BCS1L: variants seen among roughly 807,000 people sequenced by gnomAD.
The protein encoded by BCS1L is BCS1 ubiquinol-cytochrome c reductase complex chaperone, also known as mitochondrial chaperone BCS1.
A neutral mutation model predicts 49.3 loss-of-function variants in BCS1L; 38 were observed. The observed-to-expected ratio is 0.77, with a 90% confidence interval of 0.59 to 1.01. BCS1L has a LOEUF of 1.01. BCS1L is among the 50% of genes least tolerant of loss of function. The pLI, the probability that BCS1L is intolerant of heterozygous loss-of-function variation, is 0.00. For missense variants in BCS1L, 394 were observed against 540.2 expected (o/e 0.73, Z 2.68); for synonymous variants, 193 against 210.1 (o/e 0.92, Z 0.70).
Position 218,660,958 on chromosome 2 carries a change from G to A in BCS1L, c.-30G>A. Reference sequence around the variant, plus strand: ...CCCTAGGTTTTCGTAACACCCCAGGGCCTGTAAGGTTTGGTGTTTCCCTTT... The same window carrying A: ...CCCTAGGTTTTCGTAACACCCCAGGACCTGTAAGGTTTGGTGTTTCCCTTT... On this transcript the variant is annotated 5_prime_UTR_variant, in exon 2 of 8. Coordinates refer to ENST00000359273, the MANE Select transcript of BCS1L (RefSeq NM_001079866.2). The A allele has an allele frequency of 6.2e-7, 1 of 1,611,308 alleles. No individual in the cohort carries two copies. Among genetic ancestry groups the A allele is most frequent in the Middle Eastern group, 1.7e-4 (1 of 6,058 alleles).
At chr2:218,663,105 T>C (rs1385546511) in intron 7 of BCS1L, 29 bp from the exon 8 acceptor site, 2 of 1,614,054 alleles carry the variant, frequency 1.2e-6, no homozygotes, top group Admixed American at 3.3e-5. Context: ...TGGGTGCTAG[T>C]GTGACCTGCT....
rs368868835 is a variant in BCS1L, at chr2:218,661,743, A to G, written c.461-16A>G. ...TGAAGAGAATTATTGGCTTTATCTCATCTTCTCCTTCCCAGCTCGAGAGCT... is the reference window on the plus strand; with the variant it reads ...TGAAGAGAATTATTGGCTTTATCTCGTCTTCTCCTTCCCAGCTCGAGAGCT... On this transcript the variant is annotated splice_polypyrimidine_tract_variant and intron_variant, in intron 3 of 7. Coordinates refer to ENST00000359273, the MANE Select transcript of BCS1L (RefSeq NM_001079866.2). The surrounding 1 kb of genome is among the most constrained non-coding windows in gnomAD (Gnocchi z 5.9). 1 of 1,606,552 alleles carries G rather than the reference A, an allele frequency of 6.2e-7. No homozygotes were observed. The highest frequency in any genetic ancestry group is 8.5e-7 in the Non-Finnish European group (1 of 1,174,408).
rs1033866368 is a variant in BCS1L, at chr2:218,663,247, C to A, written c.1121C>A (p.Pro374His). 2 of 1,614,128 alleles carry A rather than the reference C, an allele frequency of 1.2e-6. No individual in the cohort carries two copies. Among genetic ancestry groups the A allele is most frequent in the African/African-American group, 2.7e-5 (2 of 74,940 alleles). Residue 374 changes from proline (P) to histidine (H), a missense_variant, in exon 8 of 8, where the codon CCT (proline) becomes CAT (histidine). Physicochemically the swap from Pro to His is moderately conservative, Grantham distance 77. Transcript: ENST00000359273. ...MFQRFYPGQA[P>H]SLAENFAEHV... ...CAGAGGTTCTATCCAGGGCAGGCAC[C>A]TTCCTTAGCTGAGAACTTTGCAGAA...
At chr2:218,658,899 T>TAAGGC (rs775640703), upstream of BCS1L, 4 of 152,264 alleles carry the variant, frequency 2.6e-5, no homozygotes, top group Non-Finnish European at 5.9e-5. Flanking sequence ...AAGGACAGAC[T>TAAGGC]AAGGCAGAGA....
rs1363293408 is a variant in BCS1L at position 218,661,948 on chromosome 2, A to C, written c.650A>C (p.Asp217Ala). 1 of 1,613,960 alleles carries C rather than the reference A, an allele frequency of 6.2e-7. No homozygotes were observed. Among genetic ancestry groups the C allele is most frequent in the East Asian group, 2.2e-5 (1 of 44,898 alleles). The change falls in exon 4 of 8, where the codon GAC becomes GCC. Residue 217 changes from aspartate (D) to alanine (A), a missense_variant. By Grantham distance (126) the Asp-to-Ala change is moderately radical. Coordinates refer to ENST00000359273, the MANE Select transcript of BCS1L (RefSeq NM_001079866.2). This position sits in a 1 kb window ranked among gnomAD's most constrained non-coding sequence, Gnocchi z 5.9. ...ATCGATAACCCCAAGTGGTACACTG[A>C]CAGAGGTGAGAAGCAGCTGGGGTCT... is the stretch of plus-strand genomic sequence containing the variant. Reference protein sequence around the residue: ...EFIDNPKWYTDRGIPYRRGYL... With the variant: ...EFIDNPKWYTARGIPYRRGYL...
chr2:218,662,565 T>G lies in BCS1L; in HGVS notation c.775T>G (p.Ser259Ala). ...HSICLLSLTDSSLSDDRLNHL... is the reference protein window; with the variant it reads ...HSICLLSLTDASLSDDRLNHL... ...CATCTGCCTGCTGAGCCTCACGGAC[T>G]CCAGCCTCTCTGATGACCGACTCAA... Residue 259 changes from serine (S) to alanine (A), a missense_variant, in exon 6 of 8, where the codon TCC becomes GCC. Physicochemically the swap from Ser to Ala is moderately conservative, Grantham distance 99. Coordinates refer to ENST00000359273, the MANE Select transcript of BCS1L (RefSeq NM_001079866.2). The surrounding 1 kb of genome is among the most constrained non-coding windows in gnomAD (Gnocchi z 5.8). The G allele has an allele frequency of 6.2e-7, 1 of 1,613,766 alleles. No individual in the cohort carries two copies. The highest frequency in any genetic ancestry group is 8.5e-7 in the Non-Finnish European group (1 of 1,180,016).
chr2:218,662,493 C>T lies in BCS1L; in HGVS notation c.720-17C>T. The T allele has an allele frequency of 6.2e-7, 1 of 1,613,434 alleles. No individual in the cohort carries two copies. Among genetic ancestry groups the T allele is most frequent in the Non-Finnish European group, 8.5e-7 (1 of 1,180,016 alleles). ...TTCCAGGTTGCCTGCTACCTCCTGC[C>T]ATCCCATGCTCCATAGCACAGCCCT... On this transcript the variant is annotated splice_polypyrimidine_tract_variant and intron_variant, in intron 5 of 7. Coordinates refer to ENST00000359273, the MANE Select transcript of BCS1L (RefSeq NM_001079866.2). This position sits in a 1 kb window ranked among gnomAD's most constrained non-coding sequence, Gnocchi z 5.8.
chr2:218,661,289 C>A lies in BCS1L; in HGVS notation c.302C>A (p.Pro101His). ...ISTKFEFVPSPGNHFIWYRGK... is the reference protein window; with the variant it reads ...ISTKFEFVPSHGNHFIWYRGK... ...ACTAAGTTTGAATTTGTCCCCAGCC[C>A]TGGAAACCATTTTATCTGGTAAGGT... Residue 101 changes from proline (P) to histidine (H), a missense_variant, in exon 2 of 8, where the codon CCT becomes CAT. Coordinates refer to ENST00000359273, the MANE Select transcript of BCS1L (RefSeq NM_001079866.2). This position sits in a 1 kb window ranked among gnomAD's most constrained non-coding sequence, Gnocchi z 5.9. 6.2e-7 allele frequency: 1 copy of A among 1,614,200 alleles called. No individual in the cohort carries two copies. The highest frequency in any genetic ancestry group is 8.5e-7 in the Non-Finnish European group (1 of 1,180,042).
chr2:218,661,630 A>G lies in BCS1L; in HGVS notation c.460+85A>G, dbSNP rs1458335245. On this transcript the variant is annotated intron_variant, in intron 3 of 7. Transcript: ENST00000359273. This position sits in a 1 kb window ranked among gnomAD's most constrained non-coding sequence, Gnocchi z 5.9. ...CAGATGAGCAGTTTGGAGAAGTGGAATAAGCAGGCCGGGGTGAGCCCATGG... is the reference window on the plus strand; with the variant it reads ...CAGATGAGCAGTTTGGAGAAGTGGAGTAAGCAGGCCGGGGTGAGCCCATGG... 6.3e-7 allele frequency: 1 copy of G among 1,592,236 alleles called. No homozygotes were observed. The highest frequency in any genetic ancestry group is 1.3e-5 in the African/African-American group (1 of 74,476).
In BCS1L at chr2:218,661,717, G is replaced by C; in HGVS notation, c.461-42G>C. On this transcript the variant is annotated intron_variant, in intron 3 of 7. Transcript: ENST00000359273. The surrounding 1 kb of genome is among the most constrained non-coding windows in gnomAD (Gnocchi z 5.9). ...CCACCTAATTGAAGAATCAGCCATG[G>C]TGAAGAGAATTATTGGCTTTATCTC... 1.2e-6 allele frequency: 2 copies of C among 1,601,860 alleles called. No homozygotes were observed. Among genetic ancestry groups the C allele is most frequent in the East Asian group, 4.5e-5 (2 of 44,456 alleles).
In BCS1L at chr2:218,662,437, G is replaced by A. The variant is rs1325043392; in HGVS notation, c.720-73G>A. Reference sequence around the variant, plus strand: ...CCTCTGAGACACATGTCCCCAGGCGGTGAGGAGAGTAGCTGGGCCTGAGGA... The same window carrying A: ...CCTCTGAGACACATGTCCCCAGGCGATGAGGAGAGTAGCTGGGCCTGAGGA... On this transcript the variant is annotated intron_variant, in intron 5 of 7. Coordinates refer to ENST00000359273, the MANE Select transcript of BCS1L (RefSeq NM_001079866.2). The surrounding 1 kb of genome is among the most constrained non-coding windows in gnomAD (Gnocchi z 5.8). The A allele has an allele frequency of 6.3e-7, 1 of 1,590,174 alleles. No homozygotes were observed. Among genetic ancestry groups the A allele is most frequent in the African/African-American group, 1.3e-5 (1 of 74,416 alleles).
At position 218,661,743 on chromosome 2, in the gene BCS1L, A is replaced by T. The variant is rs368868835; in HGVS notation, c.461-16A>T. ...TGAAGAGAATTATTGGCTTTATCTCATCTTCTCCTTCCCAGCTCGAGAGCT... is the reference window on the plus strand; with the variant it reads ...TGAAGAGAATTATTGGCTTTATCTCTTCTTCTCCTTCCCAGCTCGAGAGCT... On this transcript the variant is annotated splice_polypyrimidine_tract_variant and intron_variant, in intron 3 of 7. Coordinates refer to ENST00000359273, the MANE Select transcript of BCS1L (RefSeq NM_001079866.2). This position sits in a 1 kb window ranked among gnomAD's most constrained non-coding sequence, Gnocchi z 5.9. 8 of 1,606,552 alleles carry T rather than the reference A, an allele frequency of 5.0e-6. No individual in the cohort carries two copies. The African/African-American group carries it at 9.4e-5, about 19-fold the overall frequency.
Position 218,662,688 on chromosome 2 carries a change from G to C in BCS1L, c.889+9G>C, listed in dbSNP as rs1277883054. 19 of 1,614,044 alleles carry C rather than the reference G, an allele frequency of 1.2e-5. No individual in the cohort carries two copies. The highest frequency in any genetic ancestry group is 1.6e-5 in the Non-Finnish European group (19 of 1,180,040). On this transcript the variant is annotated intron_variant, in intron 6 of 7. Transcript: ENST00000359273. The surrounding 1 kb of genome is among the most constrained non-coding windows in gnomAD (Gnocchi z 5.8). Reference sequence around the variant, plus strand: ...AGACTTGGCTGTGGAGAGTAAGTGAGGGGTTCTGGAGGAAGTGGAGTGGGT... The same window carrying C: ...AGACTTGGCTGTGGAGAGTAAGTGACGGGTTCTGGAGGAAGTGGAGTGGGT...
At position 218,662,779 on chromosome 2, in the gene BCS1L, A is replaced by G. The variant is rs1325692923; in HGVS notation, c.889+100A>G. On this transcript the variant is annotated intron_variant, in intron 6 of 7. Transcript: ENST00000359273. The surrounding 1 kb of genome is among the most constrained non-coding windows in gnomAD (Gnocchi z 5.8). ...GGTGGAAGATGCCTGGGTTAGTGAC[A>G]AGAGCCCACAAGACACATGGATAAG... is the stretch of plus-strand genomic sequence containing the variant. 10 of 1,593,258 alleles carry G rather than the reference A, an allele frequency of 6.3e-6. No homozygotes were observed. The South Asian group carries it at 6.6e-5, about 11-fold the overall frequency.
rs1275682469 is a variant in BCS1L, at chr2:218,661,701, TG to T, written c.461-57del. 1 of 1,593,206 alleles carries T rather than the reference TG, an allele frequency of 6.3e-7. No homozygotes were observed. The highest frequency in any genetic ancestry group is 1.3e-5 in the African/African-American group (1 of 74,334). On this transcript the variant is annotated intron_variant, in intron 3 of 7. Coordinates refer to ENST00000359273, the MANE Select transcript of BCS1L (RefSeq NM_001079866.2). The surrounding 1 kb of genome is among the most constrained non-coding windows in gnomAD (Gnocchi z 5.9). ...GCTGTTTGGCACAGCTCCACCTAAT[TG>T]AAGAATCAGCCATGGTGAAGAGAAT...
chr2:218,661,624 A>G lies in BCS1L; in HGVS notation c.460+79A>G, dbSNP rs879252201. 3 of 1,596,364 alleles carry G rather than the reference A, an allele frequency of 1.9e-6. No individual in the cohort carries two copies. In the South Asian group the frequency reaches 3.4e-5, roughly 18 times the overall value. ...TGACATCAGATGAGCAGTTTGGAGAAGTGGAATAAGCAGGCCGGGGTGAGC... is the reference window on the plus strand; with the variant it reads ...TGACATCAGATGAGCAGTTTGGAGAGGTGGAATAAGCAGGCCGGGGTGAGC... On this transcript the variant is annotated intron_variant, in intron 3 of 7. Transcript: ENST00000359273. This position sits in a 1 kb window ranked among gnomAD's most constrained non-coding sequence, Gnocchi z 5.9.
chr2:218,661,275 A>G lies in BCS1L; in HGVS notation c.288A>G (p.Glu96=), dbSNP rs1416620529. The part of the protein sequence containing the change: ...HESGRISTKF[E]FVPSPGNHFI... ...GTGGCCGCATTTCCACTAAGTTTGA[A>G]TTTGTCCCCAGCCCTGGAAACCATT... is the stretch of plus-strand genomic sequence containing the variant. Residue 96 remains glutamate, a synonymous_variant, in exon 2 of 8, where the codon GAA becomes GAG. Coordinates refer to ENST00000359273, the MANE Select transcript of BCS1L (RefSeq NM_001079866.2). The surrounding 1 kb of genome is among the most constrained non-coding windows in gnomAD (Gnocchi z 5.9). 3 of 1,614,048 alleles carry G rather than the reference A, an allele frequency of 1.9e-6. No homozygotes were observed. The African/African-American group carries it at 4.0e-5, about 22-fold the overall frequency.
Position 218,662,565 on chromosome 2 carries a change from T to A in BCS1L, c.775T>A (p.Ser259Thr), listed in dbSNP as rs77729067. 2.3e-4 allele frequency: 379 copies of A among 1,613,766 alleles called. No homozygotes were observed. In the African/African-American group the frequency reaches 4.6e-3, roughly 20 times the overall value. ...HSICLLSLTD[S>T]SLSDDRLNHL... ...CATCTGCCTGCTGAGCCTCACGGAC[T>A]CCAGCCTCTCTGATGACCGACTCAA... Residue 259 changes from serine to threonine, a missense_variant, in exon 6 of 8, where the codon TCC (serine) becomes ACC (threonine). Transcript: ENST00000359273. The surrounding 1 kb of genome is among the most constrained non-coding windows in gnomAD (Gnocchi z 5.8).
chr2:218,662,822 G>A lies in BCS1L; in HGVS notation c.890-61G>A, dbSNP rs1939627824. On this transcript the variant is annotated intron_variant, in intron 6 of 7. Transcript: ENST00000359273. This position sits in a 1 kb window ranked among gnomAD's most constrained non-coding sequence, Gnocchi z 5.8. ...TGGATAAGTAGGGGAACATAGTGGG[G>A]CATGCTAATTTTATGCTGGGCTATG... 1 of 1,585,222 alleles carries A rather than the reference G, an allele frequency of 6.3e-7. No individual in the cohort carries two copies. Among genetic ancestry groups the A allele is most frequent in the Non-Finnish European group, 8.7e-7 (1 of 1,154,166 alleles).
Sources: gnomAD v4.1 joint callset for allele counts on GRCh38, gnomAD v4.1.1 for gene constraint, Gnocchi (gnomAD v3.1) non-coding constraint, MANE v1.5 for transcripts, NCBI Gene and HGNC (gene_info 2026-07-23, HGNC 2026-07-21) for gene names.